The following CTNNA3 variants were observed in gnomAD, a reference collection of about 807,000 sequenced individuals.
CTNNA3 encodes the protein catenin alpha 3.
A neutral mutation model predicts 95.7 loss-of-function variants in CTNNA3; 76 were observed. The ratio of observed to expected loss-of-function variants is 0.79; its 90% CI spans 0.66 to 0.96. The LOEUF is 0.96. Ranked by LOEUF, CTNNA3 falls within the 40% of genes least tolerant of loss-of-function variation. The pLI, the probability that CTNNA3 is intolerant of heterozygous loss-of-function variation, is 0.00. For synonymous variants in CTNNA3, 431 were observed against 374.4 expected (o/e 1.15, Z -1.74); for missense variants, 1,191 against 1,089.8 (o/e 1.09, Z -1.31).
intron 7 of CTNNA3, among the ~76,000 whole-genome samples, chr10:66,971,358 G>C (rs749494877): frequency 6.6e-6 from 1 of 152,054 alleles, no homozygotes; most frequent in South Asian, 2.1e-4. Flanking sequence ...CCCGGGAGGC[G>C]GAGGTTGCAG....
At chr10:67,329,699 C>T (rs899805305) in intron 5 of CTNNA3, among the ~76,000 whole-genome samples, 8 of 152,136 alleles carry the variant, frequency 5.3e-5, no homozygotes, top group African/African-American at 1.7e-4. Flanking sequence ...GGAGGGCTTA[C>T]TATGCACAAA....
intron 9 of CTNNA3, among the ~76,000 whole-genome samples, chr10:66,673,936 T>A (rs887388981): frequency 6.6e-6 from 1 of 152,006 alleles, no homozygotes; most frequent in African/African-American, 2.4e-5. Context: ...GTTTTTCTTT[T>A]TATTATTGAA....
intron 9 of CTNNA3, among the ~76,000 whole-genome samples, chr10:66,676,461 A>C (rs747313818): frequency 6.6e-6 from 1 of 152,052 alleles, no homozygotes; most frequent in Non-Finnish European, 1.5e-5. Flanking sequence ...GATAAAGGGA[A>C]AGCATCAATC....
intron 7 of CTNNA3, among the ~76,000 whole-genome samples, chr10:66,937,338 G>A (rs1847762553): frequency 6.6e-6 from 1 of 151,952 alleles, no homozygotes; most frequent in Non-Finnish European, 1.5e-5. Flanking sequence ...ATTTTTCCTG[G>A]TACATTTCAT....
intron 13 of CTNNA3, among the ~76,000 whole-genome samples, chr10:66,134,894 C>G (rs1483821831): frequency 6.6e-6 from 1 of 151,982 alleles, no homozygotes; most frequent in Non-Finnish European, 1.5e-5. Flanking sequence ...TCACAGTACT[C>G]TGTACACTCT....
At chr10:67,672,118 G>A (rs1443631177) in intron 1 of CTNNA3, among the ~76,000 whole-genome samples, 3 of 152,200 alleles carry the variant, frequency 2.0e-5, no homozygotes, top group Non-Finnish European at 2.9e-5. Context: ...CAGTGATGAT[G>A]AGCATTTTTT....
intron 5 of CTNNA3, among the ~76,000 whole-genome samples, chr10:67,444,403 G>A (rs1846657962): frequency 6.6e-6 from 1 of 151,948 alleles, no homozygotes; most frequent in Admixed American, 6.6e-5. Flanking sequence ...AGTAGCTCCA[G>A]GAGGCAAGTT....
intron 5 of CTNNA3, among the ~76,000 whole-genome samples, chr10:67,231,212 T>A (rs149940981): frequency 6.6e-6 from 1 of 152,214 alleles, no homozygotes; most frequent in African/African-American, 2.4e-5. Context: ...AGGCTCCACC[T>A]CTGGGGGCAG....
intron 3 of CTNNA3, among the ~76,000 whole-genome samples, chr10:67,558,745 G>A (rs113611197): frequency 0.14 from 20,953 of 152,228 alleles, 3,231 homozygotes; most frequent in African/African-American, 0.39. Context: ...AAAGAAAGGG[G>A]TGACAGATGG....
chr10:67,327,397 GT>G (rs1180815995), intron 5 of CTNNA3, among the ~76,000 whole-genome samples: 4 of 152,098 alleles, frequency 2.6e-5, no homozygotes, highest in Non-Finnish European at 5.9e-5. Context: ...TTTGGATGGG[GT>G]TTTTTTCCTT....
chr10:66,133,549 GAAGA>G, intron 13 of CTNNA3, among the ~76,000 whole-genome samples: 1 of 149,422 alleles, frequency 6.7e-6, no homozygotes, highest in South Asian at 2.1e-4. Flanking sequence ...AAAAAAAACA[GAAGA>G]AAGAGAGAAA....
At chr10:66,902,645 A>G (rs544779313) in intron 7 of CTNNA3, among the ~76,000 whole-genome samples, 5 of 152,196 alleles carry the variant, frequency 3.3e-5, no homozygotes, top group Admixed American at 6.5e-5. Context: ...CAAGACAAAT[A>G]AAGAAGAAAA....
intron 12 of CTNNA3, among the ~76,000 whole-genome samples, chr10:66,306,662 C>A (rs950890877): frequency 2.6e-5 from 4 of 152,170 alleles, no homozygotes; most frequent in African/African-American, 9.6e-5. Flanking sequence ...ATAAAATCAT[C>A]TCACCATAAC....
At chr10:66,125,096 C>T (rs1036505416) in intron 13 of CTNNA3, among the ~76,000 whole-genome samples, 36 of 152,214 alleles carry the variant, frequency 2.4e-4, no homozygotes, top group African/African-American at 8.2e-4. Context: ...CACATCTGCC[C>T]TTCAAGAAAC....
chr10:67,692,711 G>A (rs1332862549), intron 1 of CTNNA3, among the ~76,000 whole-genome samples: 2 of 114,374 alleles, frequency 1.7e-5, no homozygotes, highest in African/African-American at 4.0e-5. Flanking sequence ...ATCCCCCTCT[G>A]CGAGAAACAC....
At chr10:67,293,794 G>A (rs1372812384) in intron 5 of CTNNA3, among the ~76,000 whole-genome samples, 2 of 151,446 alleles carry the variant, frequency 1.3e-5, no homozygotes, top group African/African-American at 4.9e-5. Flanking sequence ...GCGATAGTTT[G>A]CTGAGAATGA....
chr10:67,483,548 A>T (rs1848324161), intron 5 of CTNNA3, among the ~76,000 whole-genome samples: 2 of 151,664 alleles, frequency 1.3e-5, no homozygotes, highest in Non-Finnish European at 2.9e-5. Context: ...GTTCTCACTC[A>T]TAGGTGGGAA....
intron 7 of CTNNA3, among the ~76,000 whole-genome samples, chr10:66,852,099 C>T (rs746737885): frequency 6.6e-6 from 1 of 152,120 alleles, no homozygotes; most frequent in African/African-American, 2.4e-5. Flanking sequence ...CAAACTTACT[C>T]ATTTACATTT....
intron 11 of CTNNA3, among the ~76,000 whole-genome samples, chr10:66,380,627 A>ATCTATC (rs1185437935): frequency 1.5e-3 from 128 of 87,078 alleles, no homozygotes; most frequent in Admixed American, 7.6e-3. Flanking sequence ...CTATCTATCT[A>ATCTATC]TATATATATA....
Sources: allele counts gnomAD v4.1 joint callset (sites outside exome capture counted in the v4.1 genomes callset), GRCh38; gene constraint gnomAD v4.1.1; transcripts MANE v1.5; gene names NCBI Gene and HGNC (gene_info 2026-07-23, HGNC 2026-07-21).